The following PKD1 variants were observed in gnomAD, a reference collection of about 807,000 sequenced individuals.
PKD1 encodes polycystin-1.
A neutral mutation model predicts 361.7 loss-of-function variants in PKD1; 81 were observed. That is an observed-to-expected ratio of 0.22 (90% CI 0.19 to 0.27). The LOEUF (loss-of-function observed/expected upper bound fraction) is 0.27, where lower values mean the gene tolerates loss of function less well. PKD1 is among the 10% of genes least tolerant of loss of function. PKD1 has a pLI of 1.00. For missense variants in PKD1, 6,399 were observed against 6,118.3 expected, an observed-to-expected ratio of 1.05 and a Z score of -1.53; for synonymous variants, 3,615 against 2,818.3, an observed-to-expected ratio of 1.28 and a Z score of -8.95.
chr16:2,104,685 T>C, intron 21 of PKD1, 43 bp from the exon 22 acceptor site: 5 of 1,176,370 alleles, frequency 4.3e-6, no homozygotes, highest in Non-Finnish European at 6.1e-6. Context: ...CTGGCCCCAC[T>C]CCTTGCACAC....
rs764360157 is a variant in PKD1 at position 2,092,199 on chromosome 16, C to CA, written c.11270-12dup. On this transcript the variant is annotated splice_polypyrimidine_tract_variant and intron_variant, in intron 39 of 45. Coordinates refer to ENST00000262304, the MANE Select transcript of PKD1 (RefSeq NM_001009944.3). Reference sequence around the variant, plus strand: ...GGTCTGGGTAGAGTGCTGAAACACACAGAGCCCCAGGCCGGGGCCAGGGCC... The same window carrying CA: ...GGTCTGGGTAGAGTGCTGAAACACACAAGAGCCCCAGGCCGGGGCCAGGGCC... The CA allele has an allele frequency of 1.3e-6, 2 of 1,585,858 alleles. No individual in the cohort carries two copies. Among genetic ancestry groups the CA allele is most frequent in the Non-Finnish European group, 8.6e-7 (1 of 1,167,624 alleles).
rs2092681489 is a variant in PKD1, at chr16:2,118,965, G to A, written c.360-120C>T. The A allele has an allele frequency of 2.5e-6, 2 of 812,224 alleles. No individual in the cohort carries two copies. Among genetic ancestry groups the A allele is most frequent in the South Asian group, 1.5e-5 (1 of 66,426 alleles). 50.3% of individuals were successfully genotyped at this position (812,224 alleles called of 1,614,324 possible). On this transcript the variant is annotated intron_variant, in intron 3 of 45. Transcript: ENST00000262304. The surrounding 1 kb of genome is among the most constrained non-coding windows in gnomAD (Gnocchi z 6.0). The stretch of plus-strand genomic sequence containing the variant: ...GCACCGCCTCCCCTGCCCCAACCAA[G>A]CCGGCACTGGGGGGCTCCAAGCAGG...
At chr16:2,121,853 C>T (rs1423336093) in intron 1 of PKD1, among the ~76,000 whole-genome samples, 3 of 152,228 alleles carry the variant, frequency 2.0e-5, no homozygotes, top group Non-Finnish European at 4.4e-5. Flanking sequence ...ACCCTCCCCA[C>T]GAGTGACCCA....
rs761746737 is a variant in PKD1, at chr16:2,110,068, G to C, written c.5099C>G (p.Thr1700Ser). The C allele has an allele frequency of 1.2e-6, 2 of 1,610,016 alleles. No homozygotes were observed. Among genetic ancestry groups the C allele is most frequent in the South Asian group, 2.2e-5 (2 of 90,898 alleles). The part of the protein sequence containing the change: ...AGTYHVQLRA[T>S]NMLGSAWADC... The stretch of plus-strand genomic sequence containing the variant: ...GGCCCAGGCGCTGCCCAGCATGTTG[G>C]TGGCCCGCAGCTGCACATGGTAGGT... The change falls in exon 15 of 46, where the codon ACC (threonine) becomes AGC (serine). Residue 1700 changes from threonine (T) to serine (S), a missense_variant. By Grantham distance (58) the Thr-to-Ser change is moderately conservative. Coordinates refer to ENST00000262304, the MANE Select transcript of PKD1 (RefSeq NM_001009944.3).
intron 1 of PKD1, among the ~76,000 whole-genome samples, chr16:2,130,465 G>T (rs1422277469): frequency 6.6e-6 from 1 of 152,216 alleles, no homozygotes; most frequent in Non-Finnish European, 1.5e-5. Flanking sequence ...TCTGTCCTTG[G>T]AGAATCATCT....
rs1338408672 is a variant in PKD1, at chr16:2,100,033, C to A, written c.9751G>T (p.Ala3251Ser). ...TCAAAGAAGCCACGCTGCAGCTCAG[C>A]CACCAGCAGGCGCCGGAAGCGCAAA... ...ALLRFRRLLV[A>S]ELQRGFFDKH... The change falls in exon 29 of 46, where the codon GCT becomes TCT. Residue 3251 changes from alanine to serine, a missense_variant. Ala to Ser is a moderately conservative substitution (Grantham distance 99, BLOSUM62 1). Transcript: ENST00000262304. This position sits in a 1 kb window ranked among gnomAD's most constrained non-coding sequence, Gnocchi z 4.4. The A allele has an allele frequency of 6.3e-7, 1 of 1,582,832 alleles. No homozygotes were observed. Among genetic ancestry groups the A allele is most frequent in the South Asian group, 1.1e-5 (1 of 88,050 alleles).
chr16:2,097,636 A>C, intron 32 of PKD1, 92 bp downstream of exon 32: 2 of 1,610,546 alleles, frequency 1.2e-6, no homozygotes, highest in Non-Finnish European at 1.7e-6. Context: ...ATGGAGCCAC[A>C]GACACCCAGC....
chr16:2,097,052 C>T (rs2091877263), intron 34 of PKD1, 96 bp downstream of exon 34: 3 of 748,924 alleles, frequency 4.0e-6, no homozygotes, highest in Admixed American at 4.1e-5. Flanking sequence ...CCTGGCACCC[C>T]ACCCCACCCT....
chr16:2,105,084 C>G (rs577032198), intron 21 of PKD1, among the ~76,000 whole-genome samples: 1 of 126,756 alleles, frequency 7.9e-6, no homozygotes, highest in African/African-American at 3.0e-5. Flanking sequence ...TCTTCTTAGT[C>G]CCTCCCCACA....
chr16:2,106,590 G>C lies in PKD1; in HGVS notation c.7297C>G (p.Leu2433Val), dbSNP rs771746062. The change falls in exon 18 of 46, where the codon CTG becomes GTG. Residue 2433 changes from leucine to valine, a missense_variant. Transcript: ENST00000262304. The surrounding 1 kb of genome is among the most constrained non-coding windows in gnomAD (Gnocchi z 6.5). ...CCGTCCCGCAGCACGCCCCGCCGCAGCACCAGTCGCATGCCTGCACTGCCC... is the reference window on the plus strand; with the variant it reads ...CCGTCCCGCAGCACGCCCCGCCGCACCACCAGTCGCATGCCTGCACTGCCC... ...STGSAGMRLV[L>V]RRGVLRDGEG... 3.1e-6 allele frequency: 5 copies of C among 1,597,820 alleles called. No individual in the cohort carries two copies. In the East Asian group the frequency reaches 1.1e-4, roughly 36 times the overall value.
At chr16:2,093,789 C>G in intron 36 of PKD1, 22 bp downstream of exon 36, 2 of 1,555,272 alleles carry the variant, frequency 1.3e-6, no homozygotes, top group Non-Finnish European at 1.7e-6. Flanking sequence ...GGCCTGTAGC[C>G]TACCCCTGGC....
At chr16:2,124,748 A>G (rs1596609275) in intron 1 of PKD1, among the ~76,000 whole-genome samples, 1 of 152,172 alleles carries the variant, frequency 6.6e-6, no homozygotes, top group Non-Finnish European at 1.5e-5. Context: ...GGTGTGCGCC[A>G]GGCCCGGCAC....
Position 2,103,428 on chromosome 16 carries a change from G to A in PKD1, c.8629C>T (p.Pro2877Ser), listed in dbSNP as rs1454911075. The A allele has an allele frequency of 1.8e-5, 29 of 1,599,044 alleles. No homozygotes were observed. Among genetic ancestry groups the A allele is most frequent in the Non-Finnish European group, 2.5e-5 (29 of 1,179,538 alleles). Reference sequence around the variant, plus strand: ...CGGGCAGCCCAGTCCGAGTTGTTGGGCACCTTCACGGTGATGGCGCGCTCT... The same window carrying A: ...CGGGCAGCCCAGTCCGAGTTGTTGGACACCTTCACGGTGATGGCGCGCTCT... ...ASERAITVKVPNNSDWAARGH... is the reference protein window; with the variant it reads ...ASERAITVKVSNNSDWAARGH... Residue 2877 changes from proline to serine, a missense_variant, in exon 23 of 46, where the codon CCC (proline) becomes TCC (serine). Pro to Ser is a moderately conservative substitution (Grantham distance 74). Transcript: ENST00000262304.
At chr16:2,091,272 G>A (rs1225166762) in intron 42 of PKD1, 98 bp from the exon 43 acceptor site, 11 of 441,984 alleles carry the variant, frequency 2.5e-5, no homozygotes, top group African/African-American at 9.0e-5. Flanking sequence ...ACGAGGGGGC[G>A]GGACGCTGCC....
chr16:2,119,598 C>T (rs1290635532), intron 1 of PKD1, among the ~76,000 whole-genome samples: 1 of 152,214 alleles, frequency 6.6e-6, no homozygotes, highest in Non-Finnish European at 1.5e-5. Context: ...CAGCCCTCTG[C>T]ACCCATCTCA....
chr16:2,128,412 TGC>T (rs1163202550), intron 1 of PKD1, among the ~76,000 whole-genome samples: 1 of 147,684 alleles, frequency 6.8e-6, no homozygotes, highest in Non-Finnish European at 1.5e-5. Flanking sequence ...CCTCGGGGAG[TGC>T]AAGCACATCG....
At position 2,109,573 on chromosome 16, in the gene PKD1, C is replaced by T. The variant is rs116726822; in HGVS notation, c.5594G>A (p.Arg1865Gln). 14 of 1,611,720 alleles carry T rather than the reference C, an allele frequency of 8.7e-6. No individual in the cohort carries two copies. Among genetic ancestry groups the T allele is most frequent in the African/African-American group, 2.7e-5 (2 of 75,024 alleles). ...GCTGACTGCGTTGGAGGCATTGAGC[C>T]GGATGGAGAAGGTGCCAGCATCCGG... ...VFPDAGTFSI[R>Q]LNASNAVSWV... The change falls in exon 15 of 46, where the codon CGG becomes CAG. Residue 1865 changes from arginine to glutamine, a missense_variant. Arg to Gln is a conservative substitution (Grantham distance 43). Coordinates refer to ENST00000262304, the MANE Select transcript of PKD1 (RefSeq NM_001009944.3).
At chr16:2,115,023 C>T (rs1279478439) in intron 10 of PKD1, 98 bp from the exon 11 acceptor site, 9 of 1,512,782 alleles carry the variant, frequency 5.9e-6, no homozygotes, top group Admixed American at 2.0e-5. Context: ...CTCCCCGCTT[C>T]GTCAGCCACA....
In PKD1 at chr16:2,090,122, G is replaced by C. The variant is rs747648573; in HGVS notation, c.12517C>G (p.Pro4173Ala). The change falls in exon 46 of 46, where the codon CCG becomes GCG. Residue 4173 changes from proline to alanine, a missense_variant. Coordinates refer to ENST00000262304, the MANE Select transcript of PKD1 (RefSeq NM_001009944.3). ...CCAGCGCTGGGTGGGGGCACATCCG[G>C]GGATACCTTGGAGCCCCTGGAGGAG... ...SRSSRGSKVSPDVPPPSAGSD... is the reference protein window; with the variant it reads ...SRSSRGSKVSADVPPPSAGSD... 9 of 1,599,712 alleles carry C rather than the reference G, an allele frequency of 5.6e-6. No individual in the cohort carries two copies. In the African/African-American group the frequency reaches 1.2e-4, roughly 21 times the overall value.
Sources: gnomAD v4.1 joint callset for allele counts (sites outside exome capture counted in the v4.1 genomes callset) on GRCh38, gnomAD v4.1.1 for gene constraint, Gnocchi (gnomAD v3.1) non-coding constraint, MANE v1.5 for transcripts, NCBI Gene and HGNC (gene_info 2026-07-23, HGNC 2026-07-21) for gene names.